The following HINT3 variants were observed in gnomAD, a reference collection of about 807,000 sequenced individuals.
The protein encoded by HINT3 is adenosine 5'-monophosphoramidase HINT3.
Under a neutral mutation model 19.1 loss-of-function variants are expected in HINT3, and 16 were observed. The observed-to-expected ratio is 0.84, with a 90% CI of 0.57 to 1.27. HINT3 has a LOEUF of 1.27. Among genes scored for constraint, HINT3 ranks in the 50% most tolerant of loss-of-function variants. The probability of loss-of-function intolerance (pLI) is 0.00; values close to 1 mark genes in which losing one functional copy is unlikely to be tolerated. For synonymous variants in HINT3, 75 were observed against 84.8 expected (o/e 0.88, Z 0.63); for missense variants, 197 against 225.8 (o/e 0.87, Z 0.82).
At chr6:125,973,065 CTTTTTTTTTTTTTTTT>C (rs869084942) in intron 3 of HINT3, among the ~76,000 whole-genome samples, 1 of 74,480 alleles carries the variant, frequency 1.3e-5, no homozygotes, top group African/African-American at 5.4e-5. Context: ...AATTTTTCAA[CTTTTTTTTTTTTTTTT>C]TTTTTTTTTT....
rs1789228872 is a variant in HINT3 at position 125,980,044 on chromosome 6, G to C, written c.*2368G>C. On this transcript the variant is annotated 3_prime_UTR_variant, in exon 5 of 5. Transcript: ENST00000229633. ...AATTAATATCCATTTAGCCTTTTCAGTAGTCTAAATATTTGGTAACTCCCT... is the reference window on the plus strand; with the variant it reads ...AATTAATATCCATTTAGCCTTTTCACTAGTCTAAATATTTGGTAACTCCCT... The C allele has an allele frequency of 6.6e-6, 1 of 152,098 alleles. No homozygotes were observed. The highest frequency in any genetic ancestry group is 2.4e-5 in the African/African-American group (1 of 41,420). The allele number at this position is 152,098 out of a possible 1,614,324, so 9.4% of individuals were successfully genotyped here.
In HINT3 at chr6:125,972,323, T is replaced by G; in HGVS notation, c.384T>G (p.Asn128Lys). 6.4e-7 allele frequency: 1 copy of G among 1,555,370 alleles called. No individual in the cohort carries two copies. The change falls in exon 3 of 5, where the codon AAT becomes AAG. Residue 128 changes from asparagine to lysine, a missense_variant. Transcript: ENST00000229633. ...LERNNFTDFT[N>K]VRMGFHMPPF... Reference sequence around the variant, plus strand: ...GAAATAATTTCACTGACTTCACGAATGTGAGGTGTGTATACTTCCAGATGG... The same window carrying G: ...GAAATAATTTCACTGACTTCACGAAGGTGAGGTGTGTATACTTCCAGATGG...
At chr6:125,974,015 T>C (rs1396331882) in intron 3 of HINT3, among the ~76,000 whole-genome samples, 2 of 152,222 alleles carry the variant, frequency 1.3e-5, no homozygotes, top group African/African-American at 4.8e-5. Flanking sequence ...TTAAAGTATG[T>C]ACTGCATATC....
At chr6:125,975,307 T>C (rs1789165183) in intron 4 of HINT3, among the ~76,000 whole-genome samples, 1 of 152,158 alleles carries the variant, frequency 6.6e-6, no homozygotes, top group Non-Finnish European at 1.5e-5. Context: ...TGAAAGTTAC[T>C]TACATTTTTT....
intron 2 of HINT3, among the ~76,000 whole-genome samples, 191 bp from the exon 3 acceptor site, chr6:125,972,068 G>A (rs926575934): frequency 2.6e-5 from 4 of 151,940 alleles, no homozygotes; most frequent in Non-Finnish European, 5.9e-5. Context: ...TTTTGCCCAG[G>A]CTGGTCTCAA....
At chr6:125,962,285 T>TACACATATATATATATATATATC (rs1268223446) in intron 1 of HINT3, among the ~76,000 whole-genome samples, 2 of 28,882 alleles carry the variant, frequency 6.9e-5, no homozygotes, top group Admixed American at 5.2e-4. Flanking sequence ...CATATATATA[T>TACACATATATATATATATATATC]ACACATATAT....
chr6:125,975,457 C>T (rs1789166837), intron 4 of HINT3, among the ~76,000 whole-genome samples: 1 of 152,174 alleles, frequency 6.6e-6, no homozygotes, highest in Non-Finnish European at 1.5e-5. Context: ...GGAAATGTTA[C>T]CTGCTACCTC....
intron 2 of HINT3, among the ~76,000 whole-genome samples, chr6:125,967,480 C>A (rs570965788): frequency 6.6e-6 from 1 of 151,766 alleles, no homozygotes; most frequent in African/African-American, 2.4e-5. Context: ...TACAGGCATG[C>A]GCCACAATGT....
At chr6:125,967,591 C>T (rs1013126011) in intron 2 of HINT3, among the ~76,000 whole-genome samples, 1 of 152,154 alleles carries the variant, frequency 6.6e-6, no homozygotes, top group Non-Finnish European at 1.5e-5. Context: ...CTAGGCCTCC[C>T]AAAGTGCTGG....
At position 125,956,961 on chromosome 6, in the gene HINT3, C is replaced by G; in HGVS notation, c.-17C>G. ...CCCTGGAGAGGCCGAGGCTCTAGGC[C>G]GCGAGGGGCGGGTGCAATGGCGGAG... On this transcript the variant is annotated 5_prime_UTR_variant, in exon 1 of 5. Transcript: ENST00000229633. 1 of 1,548,678 alleles carries G rather than the reference C, an allele frequency of 6.5e-7. No homozygotes were observed.
At chr6:125,960,190 C>A (rs762013083) in intron 1 of HINT3, among the ~76,000 whole-genome samples, 2 of 152,152 alleles carry the variant, frequency 1.3e-5, no homozygotes, top group African/African-American at 2.4e-5. Flanking sequence ...TACAGCGGGT[C>A]ACGTGAGGTT....
chr6:125,977,287 A>C (rs554410881), intron 4 of HINT3, among the ~76,000 whole-genome samples: 161 of 152,246 alleles, frequency 1.1e-3, no homozygotes, highest in Non-Finnish European at 1.8e-3. Flanking sequence ...CTTTTTGCAG[A>C]ATGTCATATG....
At chr6:125,976,214 A>C (rs1789176591) in intron 4 of HINT3, among the ~76,000 whole-genome samples, 1 of 152,108 alleles carries the variant, frequency 6.6e-6, no homozygotes, top group Non-Finnish European at 1.5e-5. Context: ...CCCTGTCTTC[A>C]ACTTGTTGCC....
At chr6:125,967,083 A>C in intron 2 of HINT3, 79 bp downstream of exon 2, 1 of 842,638 alleles carries the variant, frequency 1.2e-6, no homozygotes, top group South Asian at 1.7e-5. Context: ...TAAAAAGAAA[A>C]AGTCTAGTTA....
chr6:125,974,852 GT>G lies in HINT3; in HGVS notation c.399del (p.His134IlefsTer43), dbSNP rs1562215475. On this transcript the variant is annotated frameshift_variant, in exon 4 of 5. Coordinates refer to ENST00000229633, the MANE Select transcript of HINT3 (RefSeq NM_138571.5). LOFTEE classifies it high-confidence loss of function. ...NFTDFTNVRM[G>X]FHMPPFCSIS... ...CTCTTTACTTTCTATTTTAGGATGG[GT>G]TTTCATATGCCACCATTCTGTTCCA... 1 of 1,611,418 alleles carries G rather than the reference GT, an allele frequency of 6.2e-7. No homozygotes were observed. The highest frequency in any genetic ancestry group is 1.7e-5 in the Admixed American group (1 of 59,858).
rs1198599062 is a variant in HINT3 at position 125,979,264 on chromosome 6, T to A, written c.*1588T>A. The A allele has an allele frequency of 6.6e-6, 1 of 152,146 alleles. No individual in the cohort carries two copies. The highest frequency in any genetic ancestry group is 6.5e-5 in the Admixed American group (1 of 15,270). The allele number at this position is 152,146 out of a possible 1,614,324, so 9.4% of individuals were successfully genotyped here. A position where few individuals can be genotyped will look rare whatever the true frequency, so the allele number is the denominator to read the frequency against. On this transcript the variant is annotated 3_prime_UTR_variant, in exon 5 of 5. Transcript: ENST00000229633. The stretch of plus-strand genomic sequence containing the variant: ...AGTAGGGGTTATGGGCTCTCAAAAG[T>A]AGATTTAGAGAGATTTTTTTATCAC...
chr6:125,969,963 T>A (rs1465132905), intron 2 of HINT3, among the ~76,000 whole-genome samples: 6 of 152,220 alleles, frequency 3.9e-5, no homozygotes, highest in Admixed American at 2.0e-4. Context: ...CCTATTTGGA[T>A]GCCTTTTATT....
Position 125,978,123 on chromosome 6 carries a change from C to T in HINT3, c.*447C>T, listed in dbSNP as rs1789203149. On this transcript the variant is annotated 3_prime_UTR_variant, in exon 5 of 5. Transcript: ENST00000229633. ...TTCTTGACAGTTCTATAGTTATACA[C>T]ATAAATTTTCAAAATAAAGAATACC... 1 of 152,170 alleles carries T rather than the reference C, an allele frequency of 6.6e-6. No homozygotes were observed. The highest frequency in any genetic ancestry group is 2.1e-4 in the South Asian group (1 of 4,826). The allele number at this position is 152,170 out of a possible 1,614,324, so 9.4% of individuals were successfully genotyped here.
chr6:125,960,670 A>ACGGG (rs1562211528), intron 1 of HINT3, among the ~76,000 whole-genome samples: 1 of 43,662 alleles, frequency 2.3e-5, no homozygotes, highest in Non-Finnish European at 6.9e-5. Context: ...GGGGGGAAAA[A>ACGGG]AAAAGAAGTT....
Sources: allele counts gnomAD v4.1 joint callset (sites outside exome capture counted in the v4.1 genomes callset), GRCh38; gene constraint gnomAD v4.1.1; transcripts MANE v1.5; gene names NCBI Gene and HGNC (gene_info 2026-07-23, HGNC 2026-07-21).